The following HECW2 variants were observed in gnomAD, a reference collection of about 807,000 sequenced individuals.
HECW2 encodes HECT, C2 and WW domain containing E3 ubiquitin protein ligase 2, also known as E3 ubiquitin-protein ligase HECW2.
In HECW2, 61 loss-of-function variants were observed where a neutral mutation model predicts 175.2. The observed-to-expected ratio is 0.35, with a 90% CI of 0.28 to 0.43. The LOEUF is 0.43. Among genes scored for constraint, HECW2 ranks in the 20% least tolerant of loss-of-function variants. The probability of loss-of-function intolerance (pLI) is 1.00; values close to 1 mark genes in which losing one functional copy is unlikely to be tolerated. For synonymous variants in HECW2, 671 were observed against 731.0 expected (o/e 0.92, Z 1.32); for missense variants, 1,524 against 2,000.5 (o/e 0.76, Z 4.54).
At chr2:196,402,446 A>T (rs1694847943) in intron 2 of HECW2, among the ~76,000 whole-genome samples, 1 of 152,198 alleles carries the variant, frequency 6.6e-6, no homozygotes, top group Non-Finnish European at 1.5e-5. Flanking sequence ...CTGAGCCATT[A>T]ATAGTGTGCA....
intron 2 of HECW2, among the ~76,000 whole-genome samples, chr2:196,401,664 ACAGT>A (rs1694820121): frequency 6.6e-6 from 1 of 152,242 alleles, no homozygotes; most frequent in Non-Finnish European, 1.5e-5. Context: ...GAGTGAATAC[ACAGT>A]CAGGGTATAT....
chr2:196,552,580 T>C (rs1689638682), intron 1 of HECW2, among the ~76,000 whole-genome samples: 1 of 152,226 alleles, frequency 6.6e-6, no homozygotes, highest in South Asian at 2.1e-4. Context: ...ACAGTTCTTT[T>C]ATTGTTCCCT....
At chr2:196,470,294 CAA>C (rs879481922) in intron 1 of HECW2, among the ~76,000 whole-genome samples, 4 of 130,948 alleles carry the variant, frequency 3.1e-5, no homozygotes, top group Non-Finnish European at 3.3e-5. Context: ...ACCTTGTCTC[CAA>C]AAAAAAAAAG....
chr2:196,562,003 G>A (rs949437423), intron 1 of HECW2, among the ~76,000 whole-genome samples: 1 of 152,176 alleles, frequency 6.6e-6, no homozygotes, highest in Non-Finnish European at 1.5e-5. Flanking sequence ...TTTTGACATG[G>A]TTAGGAGAAT....
chr2:196,475,313 G>T (rs1025506033), intron 1 of HECW2, among the ~76,000 whole-genome samples: 1 of 151,422 alleles, frequency 6.6e-6, no homozygotes, highest in Non-Finnish European at 1.5e-5. Flanking sequence ...GAAGGGAGTG[G>T]GGAGAATAAA....
intron 6 of HECW2, 57 bp downstream of exon 6, chr2:196,324,923 G>A: frequency 7.2e-7 from 1 of 1,397,340 alleles, no homozygotes; most frequent in Non-Finnish European, 9.7e-7. Context: ...CAAGGAAAGA[G>A]AGAGACTGGG....
chr2:196,486,976 A>G (rs1687028380), intron 1 of HECW2, among the ~76,000 whole-genome samples: 1 of 151,972 alleles, frequency 6.6e-6, no homozygotes, highest in Non-Finnish European at 1.5e-5. Context: ...ACTACAAAAA[A>G]CTTTTTTAAA....
chr2:196,205,346 T>G (rs185302121), intron 28 of HECW2, among the ~76,000 whole-genome samples: 1 of 152,336 alleles, frequency 6.6e-6, no homozygotes, highest in East Asian at 1.9e-4. Context: ...TTAATGCTCA[T>G]GGCTTCATTC....
At chr2:196,205,196 T>C (rs998496014) in intron 28 of HECW2, among the ~76,000 whole-genome samples, 5 of 152,120 alleles carry the variant, frequency 3.3e-5, no homozygotes, top group African/African-American at 1.2e-4. Context: ...GGGGAAAGCA[T>C]ATATTGTGGA....
At chr2:196,208,667 T>G (rs1485798791) in intron 28 of HECW2, among the ~76,000 whole-genome samples, 1 of 152,168 alleles carries the variant, frequency 6.6e-6, no homozygotes, top group African/African-American at 2.4e-5. Flanking sequence ...GAGCCAGGCA[T>G]GAAGGACCAG....
intron 2 of HECW2, among the ~76,000 whole-genome samples, chr2:196,344,055 T>G (rs1352360676): frequency 6.6e-6 from 1 of 152,110 alleles, no homozygotes; most frequent in African/African-American, 2.4e-5. Context: ...TGCTACAACT[T>G]TAGCTATGAG....
Position 196,523,165 on chromosome 2 carries a change from T to G in HECW2, c.-36+70343A>C, listed in dbSNP as rs149861382. ...CTCTTTTATTTCATTGAGCAGTGGT[T>G]TGTACTCCTTGAAGAGGTCATTCAC... On this transcript the variant is annotated intron_variant, in intron 1 of 28. Coordinates refer to ENST00000644978, the MANE Select transcript of HECW2 (RefSeq NM_001348768.2). 2.9e-3 allele frequency among the ~76,000 whole-genome samples: 443 copies of G among 152,300 alleles called. 1 individual carries two copies. The highest frequency in any genetic ancestry group is 0.01 in the African/African-American group (418 of 41,550).
At chr2:196,323,303 A>G (rs994543472) in intron 6 of HECW2, among the ~76,000 whole-genome samples, 5 of 152,262 alleles carry the variant, frequency 3.3e-5, no homozygotes, top group Non-Finnish European at 5.9e-5. Flanking sequence ...TATAAAATAA[A>G]TATGAAGAGC....
chr2:196,212,067 C>A (rs1687309032), intron 28 of HECW2, among the ~76,000 whole-genome samples: 2 of 152,172 alleles, frequency 1.3e-5, no homozygotes, highest in African/African-American at 2.4e-5. Context: ...AAACTCCTGA[C>A]CTCAGGCAAT....
chr2:196,346,035 T>C (rs1692942522), intron 2 of HECW2, among the ~76,000 whole-genome samples: 1 of 152,188 alleles, frequency 6.6e-6, no homozygotes, highest in Non-Finnish European at 1.5e-5. Flanking sequence ...CATGGGAAAT[T>C]TCCTAAAAAC....
chr2:196,209,765 CTTTT>C (rs59896485), intron 28 of HECW2, among the ~76,000 whole-genome samples: 15,298 of 140,144 alleles, frequency 0.11, 917 homozygotes, highest in African/African-American at 0.18. Context: ...TTCTTTCTTT[CTTTT>C]TTTTTTTTTT....
chr2:196,211,725 G>C (rs1205093073), intron 28 of HECW2, among the ~76,000 whole-genome samples: 1 of 152,160 alleles, frequency 6.6e-6, no homozygotes, highest in Non-Finnish European at 1.5e-5. Flanking sequence ...GAAAGACTAA[G>C]ATTCTCTCCC....
At chr2:196,274,184 C>A in intron 15 of HECW2, 61 bp from the exon 16 acceptor site, 1 of 1,237,566 alleles carries the variant, frequency 8.1e-7, no homozygotes, top group Non-Finnish European at 1.2e-6. Context: ...ATATCAGCAT[C>A]CCAAACCAAG....
chr2:196,525,728 G>C (rs373242270), intron 1 of HECW2, among the ~76,000 whole-genome samples: 18 of 120,432 alleles, frequency 1.5e-4, no homozygotes, highest in Non-Finnish European at 2.6e-4. Flanking sequence ...ATTTCTCCTT[G>C]ACTTATGAAG....
Sources: allele counts gnomAD v4.1 joint callset (sites outside exome capture counted in the v4.1 genomes callset), GRCh38; gene constraint gnomAD v4.1.1; transcripts MANE v1.5; gene names NCBI Gene and HGNC (gene_info 2026-07-23, HGNC 2026-07-21).